OTP: variants seen among roughly 807,000 people sequenced by gnomAD.
The protein encoded by OTP is homeobox protein orthopedia.
A neutral mutation model predicts 22.3 loss-of-function variants in OTP; 5 were observed. That is an observed-to-expected ratio of 0.22 (90% confidence interval 0.12 to 0.47). The LOEUF (loss-of-function observed/expected upper bound fraction) is 0.47, where lower values mean the gene tolerates loss of function less well. Among genes scored for constraint, OTP ranks in the 20% least tolerant of loss-of-function variants. The pLI is 0.99. For missense variants in OTP, 428 were observed against 456.2 expected, an observed-to-expected ratio of 0.94 and a Z score of 0.56; for synonymous variants, 229 against 210.6, an observed-to-expected ratio of 1.09 and a Z score of -0.76.
intron 2 of OTP, among the ~76,000 whole-genome samples, chr5:77,634,248 A>T (rs537040357): frequency 6.6e-6 from 1 of 152,212 alleles, no homozygotes; most frequent in African/African-American, 2.4e-5. Context: ...TGATTCTCAC[A>T]TTGCTGCTTA....
Position 77,636,861 on chromosome 5 carries a change from T to A in OTP, c.407A>T (p.Glu136Val). ...GGTCAGCCCGATACGCAGTGCCAGC[T>A]CCTCACGCATAAAGATGTCGGGGTA... Reference protein sequence around the residue: ...THYPDIFMREELALRIGLTES... With the variant: ...THYPDIFMREVLALRIGLTES... Residue 136 changes from glutamate to valine, a missense_variant, in exon 2 of 3, where the codon GAG becomes GTG. Coordinates refer to ENST00000306422, the MANE Select transcript of OTP (RefSeq NM_032109.3). 1 of 1,614,054 alleles carries A rather than the reference T, an allele frequency of 6.2e-7. No homozygotes were observed. Among genetic ancestry groups the A allele is most frequent in the Admixed American group, 1.7e-5 (1 of 60,008 alleles).
chr5:77,636,866 A>T lies in OTP; in HGVS notation c.402T>A (p.Arg134=). 1 of 1,614,040 alleles carries T rather than the reference A, an allele frequency of 6.2e-7. No homozygotes were observed. Among genetic ancestry groups the T allele is most frequent in the Non-Finnish European group, 8.5e-7 (1 of 1,179,960 alleles). Residue 134 remains arginine (R), a synonymous_variant, in exon 2 of 3, where the codon CGT becomes CGA. Coordinates refer to ENST00000306422, the MANE Select transcript of OTP (RefSeq NM_032109.3). ...GCCCGATACGCAGTGCCAGCTCCTC[A>T]CGCATAAAGATGTCGGGGTAGTGAG... ...AKTHYPDIFM[R]EELALRIGLT... is the part of the protein sequence containing the mutation.
rs1304971943 is a variant in OTP, at chr5:77,637,112, C to T, written c.156G>A (p.Val52=). 1.9e-6 allele frequency: 3 copies of T among 1,611,456 alleles called. No individual in the cohort carries two copies. The African/African-American group carries it at 4.0e-5, about 22-fold the overall frequency. ...CCCCGGGCAGCAGAGTGGCTCCCTC[C>T]ACTGGGTCAGAGTTGGGCGCCAGGT... ...PGDLAPNSDP[V]EGATLLPGED... is the part of the protein sequence containing the mutation. The change falls in exon 2 of 3, where the codon GTG becomes GTA. Residue 52 remains valine (V), a synonymous_variant. Transcript: ENST00000306422.
At chr5:77,633,621 T>C (rs1250001522) in intron 2 of OTP, among the ~76,000 whole-genome samples, 1 of 152,176 alleles carries the variant, frequency 6.6e-6, no homozygotes, top group Non-Finnish European at 1.5e-5. Context: ...GAGAATCTAA[T>C]GGAGGTTGGA....
intron 2 of OTP, among the ~76,000 whole-genome samples, chr5:77,632,357 T>G (rs1744944703): frequency 6.6e-6 from 1 of 152,246 alleles, no homozygotes; most frequent in African/African-American, 2.4e-5. Context: ...GCGTTTACTG[T>G]GCCTAAATAT....
chr5:77,635,044 A>C (rs1010265341), intron 2 of OTP, among the ~76,000 whole-genome samples: 5 of 152,032 alleles, frequency 3.3e-5, no homozygotes, highest in Non-Finnish European at 7.4e-5. Flanking sequence ...AGTTTAATAG[A>C]CCTCGTTTTC....
At position 77,638,571 on chromosome 5, in the gene OTP, AGCT is replaced by A. The variant is rs1337813548; in HGVS notation, c.-25_-23del. 2.6e-6 allele frequency: 4 copies of A among 1,553,100 alleles called. No homozygotes were observed. Among genetic ancestry groups the A allele is most frequent in the East Asian group, 4.7e-5 (2 of 42,400 alleles). ...GCATCGCGCACCGCTCCAGGGCGAAAGCTGTTCCCCCCCAAATTTTAGCGGCTT... is the reference window on the plus strand; with the variant it reads ...GCATCGCGCACCGCTCCAGGGCGAAAGTTCCCCCCCAAATTTTAGCGGCTT... On this transcript the variant is annotated 5_prime_UTR_variant, in exon 1 of 3. Coordinates refer to ENST00000306422, the MANE Select transcript of OTP (RefSeq NM_032109.3).
intron 2 of OTP, among the ~76,000 whole-genome samples, chr5:77,634,628 A>G (rs1744980550): frequency 6.6e-6 from 1 of 152,186 alleles, no homozygotes; most frequent in Admixed American, 6.5e-5. Context: ...ACATAAGCCA[A>G]TTACTATTTA....
rs1745023383 is a variant in OTP, at chr5:77,637,192, C to T, written c.76G>A (p.Ala26Thr). The change falls in exon 2 of 3, where the codon GCG (alanine) becomes ACG (threonine). Residue 26 changes from alanine to threonine, a missense_variant. This residue lies in a region of OTP where 176 missense variants were observed against 162.9 expected (regional missense o/e 1.08). Coordinates refer to ENST00000306422, the MANE Select transcript of OTP (RefSeq NM_032109.3). ...DAAELLGHREAVKCRLGVGGS... is the reference protein window; with the variant it reads ...DAAELLGHRETVKCRLGVGGS... ...CCCACGCCCAGCCTACACTTCACCG[C>T]CTCCCGGTGGCCCAGAAGCTCGGCG... The T allele has an allele frequency of 1.3e-6, 2 of 1,548,958 alleles. No homozygotes were observed. Among genetic ancestry groups the T allele is most frequent in the Non-Finnish European group, 1.7e-6 (2 of 1,148,696 alleles).
intron 2 of OTP, among the ~76,000 whole-genome samples, chr5:77,631,414 A>G (rs1744927074): frequency 6.6e-6 from 1 of 152,084 alleles, no homozygotes; most frequent in South Asian, 2.1e-4. Context: ...CACCACCATG[A>G]CTTCCGATTC....
At chr5:77,634,001 TC>T (rs139095734) in intron 2 of OTP, among the ~76,000 whole-genome samples, 1,898 of 152,298 alleles carry the variant, frequency 0.012, 48 homozygotes, top group African/African-American at 0.044. Context: ...TAGAAAATAC[TC>T]TCAGTTTGTC....
rs1270534572 is a variant in OTP at position 77,633,549 on chromosome 5, C to T, written c.448-2755G>A. 2.0e-5 allele frequency among the ~76,000 whole-genome samples: 3 copies of T among 152,274 alleles called. No individual in the cohort carries two copies. In the South Asian group the frequency reaches 6.2e-4, roughly 32 times the overall value. On this transcript the variant is annotated intron_variant, in intron 2 of 2. Transcript: ENST00000306422. ...CCAGGAAATATATTAACCCCAGCCA[C>T]GGGCCAACTTTGTACTCAGTTTGAA...
intron 2 of OTP, among the ~76,000 whole-genome samples, chr5:77,633,919 T>G (rs1363038653): frequency 1.3e-5 from 2 of 152,220 alleles, no homozygotes; most frequent in African/African-American, 4.8e-5. Context: ...CCGTGAACTC[T>G]GGGCCGAATT....
chr5:77,636,908 C>T lies in OTP; in HGVS notation c.360G>A (p.Glu120=), dbSNP rs1745015621. ...RFTPAQLNEL[E]RSFAKTHYPD... ...GGTAGTGAGTCTTGGCGAAGCTCCT[C>T]TCCAACTCGTTGAGCTGTGCGGGGG... The change falls in exon 2 of 3, where the codon GAG becomes GAA. Residue 120 remains glutamate, a synonymous_variant. Coordinates refer to ENST00000306422, the MANE Select transcript of OTP (RefSeq NM_032109.3). The T allele has an allele frequency of 1.2e-6, 2 of 1,614,236 alleles. No individual in the cohort carries two copies. Among genetic ancestry groups the T allele is most frequent in the Non-Finnish European group, 1.7e-6 (2 of 1,180,028 alleles).
At chr5:77,635,621 A>T (rs975604787) in intron 2 of OTP, among the ~76,000 whole-genome samples, 1 of 152,266 alleles carries the variant, frequency 6.6e-6, no homozygotes, top group Non-Finnish European at 1.5e-5. Flanking sequence ...AGACAGAAAC[A>T]TTCAACGCTG....
rs539155613 is a variant in OTP at position 77,634,547 on chromosome 5, C to A, written c.447+2274G>T. 9.7e-4 allele frequency among the ~76,000 whole-genome samples: 148 copies of A among 152,094 alleles called. 1 individual carries two copies. In the Middle Eastern group the frequency reaches 0.014, roughly 14 times the overall value. On this transcript the variant is annotated intron_variant, in intron 2 of 2. Transcript: ENST00000306422. ...GATAATTTTTAATCAGCGCAGTGGC[C>A]CACATACTGAAAAGAATGTGTGGCA... is the stretch of plus-strand genomic sequence containing the variant.
intron 1 of OTP, among the ~76,000 whole-genome samples, chr5:77,637,695 T>A (rs963963171): frequency 1.3e-5 from 2 of 152,134 alleles, no homozygotes; most frequent in Admixed American, 6.5e-5. Context: ...CCCTCTTACT[T>A]TCGGAAGATG....
rs1019180640 is a variant in OTP at position 77,638,698 on chromosome 5, C to T, written c.-149G>A. The stretch of plus-strand genomic sequence containing the variant: ...ATTCGGTTTGTGGTTAAAAAGGGGG[C>T]TTCTTGCATTATAATGTCCTTTAGA... On this transcript the variant is annotated 5_prime_UTR_variant, in exon 1 of 3. Transcript: ENST00000306422. 9 of 675,494 alleles carry T rather than the reference C, an allele frequency of 1.3e-5. No homozygotes were observed. Among genetic ancestry groups the T allele is most frequent in the Non-Finnish European group, 2.1e-5 (9 of 427,858 alleles). 41.8% of individuals were successfully genotyped at this position (675,494 alleles called of 1,614,324 possible).
At position 77,638,685 on chromosome 5, in the gene OTP, GT is replaced by G; in HGVS notation, c.-137del. 1 of 787,312 alleles carries G rather than the reference GT, an allele frequency of 1.3e-6. No individual in the cohort carries two copies. Among genetic ancestry groups the G allele is most frequent in the South Asian group, 2.5e-5 (1 of 39,392 alleles). 48.8% of individuals were successfully genotyped at this position (787,312 alleles called of 1,614,324 possible). ...TAAATGAAAGAAAATTCGGTTTGTG[GT>G]TAAAAAGGGGGCTTCTTGCATTATA... On this transcript the variant is annotated 5_prime_UTR_variant, in exon 1 of 3. The change creates a premature stop within an existing upstream ORF in the 5' untranslated region. Coordinates refer to ENST00000306422, the MANE Select transcript of OTP (RefSeq NM_032109.3).
Sources: gnomAD v4.1 joint callset for allele counts (sites outside exome capture counted in the v4.1 genomes callset) on GRCh38, gnomAD v4.1.1 for gene constraint, gnomAD v4.1.1 regional missense constraint, MANE v1.5 for transcripts, NCBI Gene and HGNC (gene_info 2026-07-23, HGNC 2026-07-21) for gene names.